Variants in MTA3 observed in about 807,000 individuals in gnomAD.
The protein encoded by MTA3 is metastasis associated 1 family member 3.
Under a neutral mutation model 83.5 loss-of-function variants are expected in MTA3, and 34 were observed. The observed-to-expected ratio is 0.41, with a 90% CI of 0.31 to 0.54. The LOEUF (loss-of-function observed/expected upper bound fraction) is 0.54, where lower values mean the gene tolerates loss of function less well. Ranked by LOEUF, MTA3 falls within the 20% of genes least tolerant of loss-of-function variation. The pLI, the probability that MTA3 is intolerant of heterozygous loss-of-function variation, is 0.33. For synonymous variants in MTA3, 303 were observed against 252.7 expected, an observed-to-expected ratio of 1.20 and a Z score of -1.89; for missense variants, 761 against 726.4, an observed-to-expected ratio of 1.05 and a Z score of -0.55.
chr2:42,682,028 G>A (rs892112320), intron 8 of MTA3, among the ~76,000 whole-genome samples: 24 of 152,008 alleles, frequency 1.6e-4, no homozygotes, highest in African/African-American at 5.5e-4. Flanking sequence ...GCAACATAGC[G>A]AGACCCCCAT....
chr2:42,625,844 C>G (rs1442307679), intron 4 of MTA3, among the ~76,000 whole-genome samples: 1 of 150,686 alleles, frequency 6.6e-6, no homozygotes, highest in Non-Finnish European at 1.5e-5. Flanking sequence ...TGTGTTGTTG[C>G]CTAAATTGTT....
intron 3 of MTA3, among the ~76,000 whole-genome samples, chr2:42,585,632 G>A (rs1056199615): frequency 1.3e-5 from 2 of 151,772 alleles, no homozygotes; most frequent in African/African-American, 2.4e-5. Context: ...GTGCCACCAC[G>A]CCTGGTTAAT....
chr2:42,524,745 T>C (rs1028768795), intron 2 of MTA3, among the ~76,000 whole-genome samples: 22 of 151,622 alleles, frequency 1.5e-4, no homozygotes, highest in Non-Finnish European at 1.9e-4. Flanking sequence ...GATGCTTCTT[T>C]GTCTCAGAAC....
chr2:42,503,260 A>C (rs1003959230), intron 2 of MTA3, among the ~76,000 whole-genome samples: 1 of 152,208 alleles, frequency 6.6e-6, no homozygotes, highest in African/African-American at 2.4e-5. Context: ...ACTTTCTGAC[A>C]TTGCCATGGC....
chr2:42,725,205 C>G (rs544340171), intron 16 of MTA3, among the ~76,000 whole-genome samples: 75 of 152,264 alleles, frequency 4.9e-4, no homozygotes, highest in African/African-American at 1.7e-3. Flanking sequence ...GTGCTTAGCA[C>G]AGTACTTGGC....
chr2:42,615,499 G>A (rs1405070120), intron 4 of MTA3, among the ~76,000 whole-genome samples: 1 of 151,492 alleles, frequency 6.6e-6, no homozygotes, highest in East Asian at 2.0e-4. Flanking sequence ...GGGACTACAG[G>A]CATGCGCCAG....
In MTA3 at chr2:42,719,031, C is replaced by G. The variant is rs188340725; in HGVS notation, c.1569C>G (p.Ser523Arg). The G allele has an allele frequency of 8.4e-6, 13 of 1,550,404 alleles. No homozygotes were observed. In the Admixed American group the frequency reaches 1.8e-4, roughly 21 times the overall value. Reference protein sequence around the residue: ...HAELSGSPLKSKSTRKPLACI... With the variant: ...HAELSGSPLKRKSTRKPLACI... Reference sequence around the variant, plus strand: ...AACTATCTGGAAGTCCACTGAAAAGCAAAAGCACTAGGAAGCCTTTGGCAT... The same window carrying G: ...AACTATCTGGAAGTCCACTGAAAAGGAAAAGCACTAGGAAGCCTTTGGCAT... The change falls in exon 15 of 17, where the codon AGC becomes AGG. Residue 523 changes from serine to arginine, a missense_variant. Coordinates refer to ENST00000405094, the MANE Select transcript of MTA3 (RefSeq NM_001330442.2).
chr2:42,513,183 G>C (rs1674980254), intron 2 of MTA3, among the ~76,000 whole-genome samples: 1 of 152,244 alleles, frequency 6.6e-6, no homozygotes, highest in African/African-American at 2.4e-5. Flanking sequence ...GTGTTGGCAA[G>C]CCCTTTGTTA....
intron 2 of MTA3, among the ~76,000 whole-genome samples, chr2:42,542,718 A>AT (rs988724597): frequency 3.0e-4 from 44 of 147,976 alleles, no homozygotes; most frequent in South Asian, 2.0e-3. Context: ...CACCCAGCTA[A>AT]TTTTTTTTTT....
chr2:42,708,819 A>G, intron 13 of MTA3, 55 bp from the exon 14 acceptor site: 1 of 1,572,072 alleles, frequency 6.4e-7, no homozygotes, highest in East Asian at 2.2e-5. Context: ...TGCAAACAGT[A>G]ACGTGTTTGG....
intron 2 of MTA3, among the ~76,000 whole-genome samples, chr2:42,527,939 TGA>T (rs957096315): frequency 1.3e-5 from 2 of 152,208 alleles, no homozygotes; most frequent in Non-Finnish European, 2.9e-5. Context: ...TTTTCTTTTT[TGA>T]GACGGAATCT....
chr2:42,634,483 A>G (rs1446141242), intron 4 of MTA3, among the ~76,000 whole-genome samples: 1 of 152,176 alleles, frequency 6.6e-6, no homozygotes, highest in African/African-American at 2.4e-5. Context: ...AGGAACTGTC[A>G]AACATGTATA....
chr2:42,685,538 G>A (rs1692296601), intron 9 of MTA3, among the ~76,000 whole-genome samples: 6 of 152,148 alleles, frequency 3.9e-5, no homozygotes, highest in Admixed American at 3.9e-4. Flanking sequence ...CACCGGCAGG[G>A]TGCCTTTAGT....
intron 2 of MTA3, among the ~76,000 whole-genome samples, chr2:42,504,693 C>G (rs973521382): frequency 6.6e-6 from 1 of 150,704 alleles, no homozygotes; most frequent in African/African-American, 2.4e-5. Context: ...GATGTGGTCT[C>G]CCTGTGTTGC....
At chr2:42,516,473 T>G (rs574584024) in intron 2 of MTA3, among the ~76,000 whole-genome samples, 1 of 152,200 alleles carries the variant, frequency 6.6e-6, no homozygotes, top group Non-Finnish European at 1.5e-5. Flanking sequence ...GGTTACTCCT[T>G]TTCTCCTTCC....
At chr2:42,562,478 C>A (rs1224647890) in intron 2 of MTA3, among the ~76,000 whole-genome samples, 1 of 152,132 alleles carries the variant, frequency 6.6e-6, no homozygotes, top group African/African-American at 2.4e-5. Flanking sequence ...TGAGGCAGAA[C>A]CTTCTGTGGA....
intron 16 of MTA3, 183 bp downstream of exon 16, chr2:42,723,218 C>A (rs1229641887): frequency 2.9e-6 from 2 of 694,850 alleles, no homozygotes; most frequent in Admixed American, 6.1e-5. Flanking sequence ...AGTTCTCCAT[C>A]CCATCAGGAG....
At chr2:42,670,215 C>T (rs574521862) in intron 8 of MTA3, among the ~76,000 whole-genome samples, 15 of 151,506 alleles carry the variant, frequency 9.9e-5, no homozygotes, top group Middle Eastern at 3.4e-3. Context: ...GCTGAGATTG[C>T]GCCATTGCAC....
At chr2:42,641,725 G>T (rs1043904167) in intron 5 of MTA3, among the ~76,000 whole-genome samples, 6 of 152,196 alleles carry the variant, frequency 3.9e-5, no homozygotes, top group Non-Finnish European at 7.4e-5. Context: ...AATTAACCGG[G>T]CGTGGTGGCG....
Sources: gnomAD v4.1 joint callset for allele counts (sites outside exome capture counted in the v4.1 genomes callset) on GRCh38, gnomAD v4.1.1 for gene constraint, MANE v1.5 for transcripts, NCBI Gene and HGNC (gene_info 2026-07-23, HGNC 2026-07-21) for gene names.